YOD1: variants seen among roughly 807,000 people sequenced by gnomAD.
YOD1 encodes YOD1 deubiquitinase, also known as ubiquitin thioesterase OTU1.
Under a neutral mutation model 23.7 loss-of-function variants are expected in YOD1, and 17 were observed. The observed-to-expected ratio is 0.72, with a 90% CI of 0.49 to 1.07. YOD1 has a LOEUF of 1.07. YOD1 is among the 50% of genes least tolerant of loss of function. YOD1 has a pLI of 0.00. For synonymous variants in YOD1, 191 were observed against 169.6 expected, an observed-to-expected ratio of 1.13 and a Z score of -0.98; for missense variants, 413 against 447.2, an observed-to-expected ratio of 0.92 and a Z score of 0.69.
chr1:207,049,933 T>C lies in YOD1; in HGVS notation c.344-210A>G, dbSNP rs2102327426. Among the ~76,000 whole-genome samples, 2 of 152,330 alleles carry C rather than the reference T, an allele frequency of 1.3e-5. 1 individual carries two copies. The highest frequency in any genetic ancestry group is 4.1e-4 in the South Asian group (2 of 4,832). ...AAAAAAGAACAAAAAACACTTGAGG[T>C]TGCATCCCAATTTAGTGAAGGGGTC... On this transcript the variant is annotated intron_variant, in intron 1 of 1. Coordinates refer to ENST00000315927, the MANE Select transcript of YOD1 (RefSeq NM_018566.4).
Position 207,044,193 on chromosome 1 carries a change from C to T in YOD1, c.*4827G>A, listed in dbSNP as rs1682538235. 6.6e-6 allele frequency: 1 copy of T among 152,438 alleles called. No individual in the cohort carries two copies. The allele number at this position is 152,438 out of a possible 1,614,324, so 9.4% of individuals were successfully genotyped here. A position where few individuals can be genotyped will look rare whatever the true frequency, so the allele number is the denominator to read the frequency against. On this transcript the variant is annotated 3_prime_UTR_variant, in exon 2 of 2. Coordinates refer to ENST00000315927, the MANE Select transcript of YOD1 (RefSeq NM_018566.4). ...TGTGGTTTTCTTTTTGCGTTAGGAA[C>T]CTCTGTCTCTACTGCATTAATACAG...
In YOD1 at chr1:207,050,595, C is replaced by T. The variant is rs3123024; in HGVS notation, c.343+93G>A. 5.4e-3 allele frequency: 8,430 copies of T among 1,556,834 alleles called. 387 individuals carry two copies. In the African/African-American group the frequency reaches 0.1, roughly 19 times the overall value. On this transcript the variant is annotated intron_variant, in intron 1 of 1. Coordinates refer to ENST00000315927, the MANE Select transcript of YOD1 (RefSeq NM_018566.4). ...TGGCCTCAAAGCCCCCCCGCCGACTCACAGCCACCTTGCCTTGACTGGTGT... is the reference window on the plus strand; with the variant it reads ...TGGCCTCAAAGCCCCCCCGCCGACTTACAGCCACCTTGCCTTGACTGGTGT...
rs142341535 is a variant in YOD1, at chr1:207,048,071, G to A, written c.*949C>T. 68 of 152,472 alleles carry A rather than the reference G, an allele frequency of 4.5e-4. No individual in the cohort carries two copies. In the East Asian group the frequency reaches 0.011, roughly 25 times the overall value. The allele number at this position is 152,472 out of a possible 1,614,324, so 9.4% of individuals were successfully genotyped here. ...AAGCTGAGAAAATTAAATTCCCCCCGATAAACTTTACGCAAATGAAGAAAA... is the reference window on the plus strand; with the variant it reads ...AAGCTGAGAAAATTAAATTCCCCCCAATAAACTTTACGCAAATGAAGAAAA... On this transcript the variant is annotated 3_prime_UTR_variant, in exon 2 of 2. Coordinates refer to ENST00000315927, the MANE Select transcript of YOD1 (RefSeq NM_018566.4).
chr1:207,049,865 G>A (rs1682693440), intron 1 of YOD1, 142 bp from the exon 2 acceptor site: 1 of 727,954 alleles, frequency 1.4e-6, no homozygotes, highest in African/African-American at 1.8e-5. Flanking sequence ...TTGCAAGTAA[G>A]TTACCAGTAA....
upstream of YOD1, chr1:207,051,214 G>A: frequency 1.7e-6 from 2 of 1,201,346 alleles, no homozygotes; most frequent in South Asian, 1.9e-5. Flanking sequence ...CGAGTGAGGT[G>A]CCCTCCGCGT....
chr1:207,051,679 T>C (rs1245164140), upstream of YOD1, among the ~76,000 whole-genome samples: 1 of 152,222 alleles, frequency 6.6e-6, no homozygotes, highest in Non-Finnish European at 1.5e-5. Flanking sequence ...TTCCTGGGCA[T>C]ACAAATATGA....
chr1:207,047,091 C>T lies in YOD1; in HGVS notation c.*1929G>A, dbSNP rs909984825. 18 of 152,410 alleles carry T rather than the reference C, an allele frequency of 1.2e-4. No individual in the cohort carries two copies. The highest frequency in any genetic ancestry group is 3.9e-4 in the African/African-American group (16 of 41,406). 9.4% of individuals were successfully genotyped at this position (152,410 alleles called of 1,614,324 possible). The stretch of plus-strand genomic sequence containing the variant: ...TGGGAGAAGTAAAAAAGATACAAAA[C>T]CAAAACCATCCAGATCAGATGAGAG... On this transcript the variant is annotated 3_prime_UTR_variant, in exon 2 of 2. Coordinates refer to ENST00000315927, the MANE Select transcript of YOD1 (RefSeq NM_018566.4).
chr1:207,052,914 C>G (rs1401916351), upstream of YOD1: 1 of 152,212 alleles, frequency 6.6e-6, no homozygotes, highest in East Asian at 1.9e-4. Flanking sequence ...GGAATGAGAG[C>G]GTTAATCTTT....
In YOD1 at chr1:207,048,928, CTT is replaced by C; in HGVS notation, c.*90_*91del. ...AAAAGGATGGTTCAAGCATTGTATC[CTT>C]TGTTCTTTAGGGTTACCATAGCTTA... On this transcript the variant is annotated 3_prime_UTR_variant, in exon 2 of 2. Coordinates refer to ENST00000315927, the MANE Select transcript of YOD1 (RefSeq NM_018566.4). 1 of 1,172,826 alleles carries C rather than the reference CTT, an allele frequency of 8.5e-7. No homozygotes were observed. Among genetic ancestry groups the C allele is most frequent in the Non-Finnish European group, 1.2e-6 (1 of 826,492 alleles). 72.7% of individuals were successfully genotyped at this position (1,172,826 alleles called of 1,614,324 possible).
rs1289234970 is a variant in YOD1, at chr1:207,044,656, C to A, written c.*4364G>T. On this transcript the variant is annotated 3_prime_UTR_variant, in exon 2 of 2. Coordinates refer to ENST00000315927, the MANE Select transcript of YOD1 (RefSeq NM_018566.4). ...ATACTTTAATGATAAGCTTTTTCACCTATGGCCATGCTACATTCTATGACA... is the reference window on the plus strand; with the variant it reads ...ATACTTTAATGATAAGCTTTTTCACATATGGCCATGCTACATTCTATGACA... 1 of 152,266 alleles carries A rather than the reference C, an allele frequency of 6.6e-6. No individual in the cohort carries two copies. Among genetic ancestry groups the A allele is most frequent in the Non-Finnish European group, 1.5e-5 (1 of 67,958 alleles). The allele number at this position is 152,266 out of a possible 1,614,324, so 9.4% of individuals were successfully genotyped here.
At position 207,049,329 on chromosome 1, in the gene YOD1, A is replaced by G. The variant is rs1345862532; in HGVS notation, c.738T>C (p.Ile246=). The G allele has an allele frequency of 6.2e-7, 1 of 1,614,158 alleles. No individual in the cohort carries two copies. Among genetic ancestry groups the G allele is most frequent in the Middle Eastern group, 1.6e-4 (1 of 6,062 alleles). Residue 246 remains isoleucine, a synonymous_variant, in exon 2 of 2, where the codon ATT becomes ATC. Coordinates refer to ENST00000315927, the MANE Select transcript of YOD1 (RefSeq NM_018566.4). ...ICVVDTQTVR[I]DRFGEDAGYT... ...ATCCTGCATCTTCCCCAAAACGATC[A>G]ATTCTTACTGTCTGTGTATCCACTA...
upstream of YOD1, chr1:207,052,062 A>G: frequency 2.6e-6 from 2 of 774,488 alleles, no homozygotes; most frequent in Non-Finnish European, 4.3e-6. Context: ...ATCCATACTC[A>G]TTGTTCTTTA....
rs147110080 is a variant in YOD1, at chr1:207,049,030, C to G, written c.1037G>C (p.Gly346Ala). 682 of 1,613,250 alleles carry G rather than the reference C, an allele frequency of 4.2e-4. 2 individuals are homozygous for G. The highest frequency in any genetic ancestry group is 9.7e-4 in the Admixed American group (58 of 60,008). The change falls in exon 2 of 2, where the codon GGA becomes GCA. Residue 346 changes from glycine (G) to alanine (A), a missense_variant. Gly to Ala is a moderately conservative substitution (Grantham distance 60). Coordinates refer to ENST00000315927, the MANE Select transcript of YOD1 (RefSeq NM_018566.4). ...HAKETGHTNF[G>A]EV ...TCATTCATGCATAGGTCACACTTCT[C>G]CAAAGTTGGTATGGCCTGTCTCCTT...
chr1:207,052,033 T>C (rs981691742), upstream of YOD1, among the ~76,000 whole-genome samples: 6 of 152,238 alleles, frequency 3.9e-5, no homozygotes, highest in Non-Finnish European at 8.8e-5. Flanking sequence ...CCTGAATTTA[T>C]ATCTCTCTTT....
In YOD1 at chr1:207,047,050, T is replaced by C. The variant is rs1403790323; in HGVS notation, c.*1970A>G. On this transcript the variant is annotated 3_prime_UTR_variant, in exon 2 of 2. Transcript: ENST00000315927. ...GTGGTATATTCTTAATTTACAGTTT[T>C]AAATTTAGTATTTTCTGGGAGAAGT... 6.6e-6 allele frequency: 1 copy of C among 152,502 alleles called. No homozygotes were observed. The highest frequency in any genetic ancestry group is 1.5e-5 in the Non-Finnish European group (1 of 67,952). The allele number at this position is 152,502 out of a possible 1,614,324, so 9.4% of individuals were successfully genotyped here.
chr1:207,050,586 C>T (rs796705998), intron 1 of YOD1, 102 bp downstream of exon 1: 3 of 1,518,298 alleles, frequency 2.0e-6, no homozygotes, highest in Non-Finnish European at 2.7e-6. Flanking sequence ...CAAAGCCCCC[C>T]CGCCGACTCA....
intron 1 of YOD1, among the ~76,000 whole-genome samples, chr1:207,050,301 GA>G (rs926498163): frequency 2.3e-4 from 34 of 148,372 alleles, no homozygotes; most frequent in East Asian, 9.8e-4. Flanking sequence ...AATGAATCAA[GA>G]AAAAAAAAAT....
chr1:207,049,306 C>A lies in YOD1; in HGVS notation c.761G>T (p.Gly254Val), dbSNP rs767775929. ...VRIDRFGEDA[G>V]YTKRVLLIYD... ...AATAAGCAGAACCCTTTTGGTATAT[C>A]CTGCATCTTCCCCAAAACGATCAAT... Residue 254 changes from glycine (G) to valine (V), a missense_variant, in exon 2 of 2, where the codon GGA becomes GTA. Gly to Val is a moderately radical substitution (Grantham distance 109). Coordinates refer to ENST00000315927, the MANE Select transcript of YOD1 (RefSeq NM_018566.4). 1 of 1,614,060 alleles carries A rather than the reference C, an allele frequency of 6.2e-7. No homozygotes were observed. The highest frequency in any genetic ancestry group is 1.1e-5 in the South Asian group (1 of 91,084).
In YOD1 at chr1:207,049,488, A is replaced by G; in HGVS notation, c.579T>C (p.Asp193=). The change falls in exon 2 of 2, where the codon GAT becomes GAC. Residue 193 remains aspartate (D), a synonymous_variant. Coordinates refer to ENST00000315927, the MANE Select transcript of YOD1 (RefSeq NM_018566.4). The stretch of plus-strand genomic sequence containing the variant: ...GTATTGCCTCACTATAGAAGTCTGG[A>G]TCGCTTGCTACAATTTGTGCTATGA... The part of the protein sequence containing the change: ...RRLIAQIVAS[D]PDFYSEAILG... 1 of 1,614,154 alleles carries G rather than the reference A, an allele frequency of 6.2e-7. No homozygotes were observed. Among genetic ancestry groups the G allele is most frequent in the Non-Finnish European group, 8.5e-7 (1 of 1,180,020 alleles).
Sources: gnomAD v4.1 joint callset for allele counts (sites outside exome capture counted in the v4.1 genomes callset) on GRCh38, gnomAD v4.1.1 for gene constraint, MANE v1.5 for transcripts, NCBI Gene and HGNC (gene_info 2026-07-23, HGNC 2026-07-21) for gene names.